Variants in DLGAP2 observed in about 807,000 individuals in gnomAD.
DLGAP2 encodes DLG associated protein 2, also known as disks large-associated protein 2.
In DLGAP2, 26 loss-of-function variants were observed where a neutral mutation model predicts 100.3. The observed-to-expected ratio is 0.26, with a 90% confidence interval of 0.19 to 0.36. DLGAP2 has a LOEUF of 0.36. Among genes scored for constraint, DLGAP2 ranks in the 10% least tolerant of loss-of-function variants. The pLI, the probability that DLGAP2 is intolerant of heterozygous loss-of-function variation, is 1.00. For synonymous variants in DLGAP2, 886 were observed against 630.1 expected, an observed-to-expected ratio of 1.41 and a Z score of -6.08; for missense variants, 1,858 against 1,453.2, an observed-to-expected ratio of 1.28 and a Z score of -4.53.
At chr8:833,515 G>C (rs1796818727) in intron 1 of DLGAP2, among the ~76,000 whole-genome samples, 1 of 152,130 alleles carries the variant, frequency 6.6e-6, no homozygotes, top group Non-Finnish European at 1.5e-5. Flanking sequence ...GCAGAGGGTG[G>C]GGTGGGGGTG....
At chr8:852,571 T>C (rs1291694473) in intron 1 of DLGAP2, among the ~76,000 whole-genome samples, 2 of 152,242 alleles carry the variant, frequency 1.3e-5, no homozygotes, top group South Asian at 2.1e-4. Context: ...TTGTGGTAAA[T>C]GAGCAAATCA....
intron 1 of DLGAP2, among the ~76,000 whole-genome samples, chr8:744,113 C>T (rs758880651): frequency 2.0e-5 from 3 of 152,194 alleles, no homozygotes; most frequent in Non-Finnish European, 2.9e-5. Flanking sequence ...GAGCCATCAT[C>T]GTGGTTCTCT....
At chr8:1,343,271 C>A (rs1354765070) in intron 3 of DLGAP2, among the ~76,000 whole-genome samples, 1 of 152,174 alleles carries the variant, frequency 6.6e-6, no homozygotes, top group East Asian at 1.9e-4. Flanking sequence ...TCAGGACAGA[C>A]CAGGCCTGAG....
At chr8:1,387,130 G>A (rs540567562) in intron 3 of DLGAP2, among the ~76,000 whole-genome samples, 165 of 152,250 alleles carry the variant, frequency 1.1e-3, no homozygotes, top group Non-Finnish European at 1.9e-3. Flanking sequence ...CAGAGCCGTC[G>A]TGATCATTGA....
At chr8:1,578,609 C>T (rs1381206349) in intron 6 of DLGAP2, among the ~76,000 whole-genome samples, 1 of 152,160 alleles carries the variant, frequency 6.6e-6, no homozygotes, top group Non-Finnish European at 1.5e-5. Flanking sequence ...CAGAATTATT[C>T]TGTTAAAAAC....
Position 887,715 on chromosome 8 carries a change from G to A in DLGAP2, c.19-20197G>A, listed in dbSNP as rs192942993. 2.2e-4 allele frequency among the ~76,000 whole-genome samples: 33 copies of A among 152,268 alleles called. 1 individual carries two copies. Among genetic ancestry groups the A allele is most frequent in the African/African-American group, 7.7e-4 (32 of 41,560 alleles). On this transcript the variant is annotated intron_variant, in intron 1 of 14. Coordinates refer to ENST00000637795, the MANE Select transcript of DLGAP2 (RefSeq NM_001346810.2). ...GAATATTGACTCCCAGTCTCTTCTGGCGTGTAGGGTTTCTGCTGGAGGTCT... is the reference window on the plus strand; with the variant it reads ...GAATATTGACTCCCAGTCTCTTCTGACGTGTAGGGTTTCTGCTGGAGGTCT...
At chr8:1,059,934 T>C (rs938473155) in intron 2 of DLGAP2, among the ~76,000 whole-genome samples, 6 of 152,132 alleles carry the variant, frequency 3.9e-5, no homozygotes, top group African/African-American at 9.7e-5. Flanking sequence ...TATTCACAGC[T>C]GGTGGTTTTG....
chr8:1,202,670 C>A (rs888183289), intron 2 of DLGAP2, among the ~76,000 whole-genome samples: 1 of 152,128 alleles, frequency 6.6e-6, no homozygotes, highest in African/African-American at 2.4e-5. Context: ...TTCACCTGTC[C>A]CAGTCAAGGC....
At chr8:1,341,281 C>T (rs1206114655) in intron 3 of DLGAP2, among the ~76,000 whole-genome samples, 1 of 152,182 alleles carries the variant, frequency 6.6e-6, no homozygotes, top group African/African-American at 2.4e-5. Context: ...CAAATATTCT[C>T]CTTTTGTTTG....
At chr8:744,761 C>G (rs539503793) in intron 1 of DLGAP2, among the ~76,000 whole-genome samples, 1 of 152,370 alleles carries the variant, frequency 6.6e-6, no homozygotes, top group South Asian at 2.1e-4. Context: ...GCCCCAGCAA[C>G]ACTCTGGCTT....
intron 3 of DLGAP2, among the ~76,000 whole-genome samples, chr8:1,488,344 G>A (rs1004163207): frequency 3.3e-5 from 5 of 152,156 alleles, no homozygotes; most frequent in African/African-American, 4.8e-5. Context: ...GAATCCACTC[G>A]TACTCAGTCT....
chr8:1,697,641 C>G (rs1385012673), intron 14 of DLGAP2, among the ~76,000 whole-genome samples: 2 of 152,328 alleles, frequency 1.3e-5, no homozygotes, highest in African/African-American at 2.4e-5. Context: ...TATGAATTAT[C>G]TTTATCAAAC....
chr8:1,071,917 G>C (rs552759936), intron 2 of DLGAP2, among the ~76,000 whole-genome samples: 4 of 152,330 alleles, frequency 2.6e-5, no homozygotes, highest in Middle Eastern at 3.4e-3. Context: ...TAGGGAACTC[G>C]TGTCAGTCTG....
rs546760192 is a variant in DLGAP2, at chr8:1,420,346, A to G, written c.107-81020A>G. Among the ~76,000 whole-genome samples, 7 of 152,296 alleles carry G rather than the reference A, an allele frequency of 4.6e-5. No individual in the cohort carries two copies. In the South Asian group the frequency reaches 8.3e-4, roughly 18 times the overall value. On this transcript the variant is annotated intron_variant, in intron 3 of 14. Coordinates refer to ENST00000637795, the MANE Select transcript of DLGAP2 (RefSeq NM_001346810.2). ...GGAGCTCTGAGCAAGAAGTCGCTCT[A>G]TCACAACAGTGTTCAGATAAATACA...
intron 3 of DLGAP2, among the ~76,000 whole-genome samples, chr8:1,348,135 T>C (rs1387974844): frequency 7.3e-5 from 11 of 151,314 alleles, no homozygotes. Context: ...TGTGTGGAGG[T>C]TGAGTTCCCA....
chr8:1,377,954 A>T (rs577913862), intron 3 of DLGAP2: 11,995 of 152,486 alleles, frequency 0.079, 734 homozygotes, highest in East Asian at 0.24. Flanking sequence ...ACCCCTGTGC[A>T]GACGCAGCCT....
At chr8:1,008,022 A>G (rs116346332) in intron 2 of DLGAP2, among the ~76,000 whole-genome samples, 3,483 of 152,242 alleles carry the variant, frequency 0.023, 124 homozygotes, top group African/African-American at 0.08. Context: ...CTGAATGTGC[A>G]CCTTCAAGTT....
intron 3 of DLGAP2, among the ~76,000 whole-genome samples, chr8:1,466,007 G>T (rs1584931298): frequency 6.6e-6 from 1 of 152,240 alleles, no homozygotes; most frequent in East Asian, 1.9e-4. Context: ...AGCAGAGGCC[G>T]TGGGAGTCAT....
intron 8 of DLGAP2, among the ~76,000 whole-genome samples, chr8:1,644,333 G>C (rs1411240556): frequency 6.6e-6 from 1 of 152,210 alleles, no homozygotes. Flanking sequence ...GCCGTCCTCT[G>C]TGGGGTTGCA....
Sources: gnomAD v4.1 joint callset for allele counts (sites outside exome capture counted in the v4.1 genomes callset) on GRCh38, gnomAD v4.1.1 for gene constraint, MANE v1.5 for transcripts, NCBI Gene and HGNC (gene_info 2026-07-23, HGNC 2026-07-21) for gene names.